The following PDE1A variants were observed in gnomAD, a reference collection of about 807,000 sequenced individuals.
PDE1A encodes the protein phosphodiesterase 1A.
PDE1A carries 35 observed loss-of-function variants against 61.7 expected under a neutral mutation model. That is an observed-to-expected ratio of 0.57 (90% CI 0.43 to 0.75). The LOEUF (loss-of-function observed/expected upper bound fraction) is 0.75, where lower values mean the gene tolerates loss of function less well. Among genes scored for constraint, PDE1A ranks in the 30% least tolerant of loss-of-function variants. PDE1A has a pLI of 0.00. For synonymous variants in PDE1A, 232 were observed against 213.2 expected (o/e 1.09, Z -0.77); for missense variants, 597 against 630.6 (o/e 0.95, Z 0.57).
At chr2:182,154,714 G>A (rs1023946803) in intron 13 of PDE1A, among the ~76,000 whole-genome samples, 5 of 152,112 alleles carry the variant, frequency 3.3e-5, no homozygotes, top group East Asian at 3.9e-4. Flanking sequence ...CCGTGAGTCC[G>A]TTAAACCTCT....
chr2:182,656,950 T>C, the PDE1A span, among the ~76,000 whole-genome samples: 53 of 152,202 alleles, frequency 3.5e-4, no homozygotes, highest in East Asian at 1.2e-3. Context: ...ACTGGCCAGG[T>C]GCGGTGGCTC....
intron 6 of PDE1A, among the ~76,000 whole-genome samples, chr2:182,226,384 TC>T (rs1294406135): frequency 6.7e-6 from 1 of 149,804 alleles, no homozygotes; most frequent in East Asian, 1.9e-4. Context: ...TCTCCACAAA[TC>T]CCCCTTACTT....
intron 13 of PDE1A, among the ~76,000 whole-genome samples, chr2:182,182,866 T>C (rs1188879407): frequency 6.6e-6 from 1 of 152,134 alleles, no homozygotes; most frequent in African/African-American, 2.4e-5. Context: ...AATTATTTCT[T>C]CCTCAGTGAA....
the PDE1A span, among the ~76,000 whole-genome samples, chr2:182,688,259 CA>C: frequency 6.6e-6 from 1 of 152,068 alleles, no homozygotes. Context: ...AAGGAAAAAA[CA>C]TTAAGGGGAG....
the PDE1A span, among the ~76,000 whole-genome samples, chr2:182,633,417 C>T: frequency 1.3e-5 from 2 of 152,192 alleles, no homozygotes. Flanking sequence ...GTCTCAGTCA[C>T]TTACACTTAG....
chr2:182,598,428 T>G, the PDE1A span, among the ~76,000 whole-genome samples: 1 of 151,826 alleles, frequency 6.6e-6, no homozygotes, highest in Non-Finnish European at 1.5e-5. Context: ...AAAAATTAGC[T>G]AGGCATGGTG....
downstream of PDE1A, among the ~76,000 whole-genome samples, chr2:182,163,597 G>A (rs1251376431): frequency 6.6e-6 from 1 of 152,150 alleles, no homozygotes; most frequent in African/African-American, 2.4e-5. Flanking sequence ...AGGGTCCAGT[G>A]GTGCAGGGCC....
chr2:182,171,334 C>T (rs1692194063), intron 13 of PDE1A, among the ~76,000 whole-genome samples: 1 of 151,852 alleles, frequency 6.6e-6, no homozygotes, highest in Non-Finnish European at 1.5e-5. Context: ...AGACAATATG[C>T]AGTATTGCAT....
the PDE1A span, among the ~76,000 whole-genome samples, chr2:182,675,750 GTCT>G: frequency 3.3e-5 from 5 of 152,086 alleles, no homozygotes; most frequent in African/African-American, 4.8e-5. Context: ...TCACATGCAT[GTCT>G]TCTTCTGAGA....
chr2:182,257,926 G>C (rs1691941494), intron 2 of PDE1A, among the ~76,000 whole-genome samples: 5 of 152,126 alleles, frequency 3.3e-5, no homozygotes, highest in Admixed American at 3.3e-4. Flanking sequence ...CCAGCACTTT[G>C]GGGGGCCGAG....
intron 13 of PDE1A, among the ~76,000 whole-genome samples, chr2:182,181,049 CAG>C (rs1220155588): frequency 6.6e-6 from 1 of 151,866 alleles, no homozygotes; most frequent in Non-Finnish European, 1.5e-5. Context: ...TTTAGCTCAG[CAG>C]AGTTTGTTAT....
the PDE1A span, among the ~76,000 whole-genome samples, chr2:182,606,811 G>C: frequency 6.6e-6 from 1 of 152,178 alleles, no homozygotes; most frequent in African/African-American, 2.4e-5. Flanking sequence ...GCCACATACT[G>C]ACAGCAGAGG....
chr2:182,445,463 C>T (rs569726007), intron 2 of PDE1A, among the ~76,000 whole-genome samples: 2 of 152,170 alleles, frequency 1.3e-5, no homozygotes, highest in Non-Finnish European at 2.9e-5. Flanking sequence ...CTAGGTTCCA[C>T]GGATGTCGGT....
intron 1 of PDE1A, among the ~76,000 whole-genome samples, chr2:182,268,609 AC>A (rs1331150541): frequency 1.3e-5 from 2 of 152,060 alleles, no homozygotes. Flanking sequence ...TTTTATGCAC[AC>A]CCTAATTTCT....
chr2:182,293,669 CATTTA>C (rs1187268163), intron 1 of PDE1A, among the ~76,000 whole-genome samples: 1 of 152,096 alleles, frequency 6.6e-6, no homozygotes, highest in Non-Finnish European at 1.5e-5. Flanking sequence ...CATGTGATGA[CATTTA>C]ATTTATAAAT....
At chr2:182,171,023 A>C (rs1377467574) in intron 13 of PDE1A, among the ~76,000 whole-genome samples, 1 of 152,000 alleles carries the variant, frequency 6.6e-6, no homozygotes, top group Non-Finnish European at 1.5e-5. Context: ...CTAGTGAAAA[A>C]CACTTCTAGT....
chr2:182,283,763 G>A (rs1336480811), intron 1 of PDE1A, among the ~76,000 whole-genome samples: 1 of 152,008 alleles, frequency 6.6e-6, no homozygotes, highest in Non-Finnish European at 1.5e-5. Context: ...GACACATTTC[G>A]ACAAAGTTGT....
the PDE1A span, among the ~76,000 whole-genome samples, chr2:182,563,447 C>A: frequency 2.6e-4 from 39 of 152,136 alleles, no homozygotes; most frequent in African/African-American, 8.0e-4. Context: ...CTGTTCTTTT[C>A]CATTTGCTGA....
chr2:182,503,066 CACACACAT>C (rs201928919), intron 2 of PDE1A, among the ~76,000 whole-genome samples: 4,975 of 30,382 alleles, frequency 0.16, 158 homozygotes, highest in East Asian at 0.5. Flanking sequence ...CACACACACA[CACACACAT>C]ACACACACAC....
Sources: gnomAD v4.1 joint callset for allele counts (sites outside exome capture counted in the v4.1 genomes callset) on GRCh38, gnomAD v4.1.1 for gene constraint, MANE v1.5 for transcripts, NCBI Gene and HGNC (gene_info 2026-07-23, HGNC 2026-07-21) for gene names.